TBC1D15: variants seen among roughly 807,000 people sequenced by gnomAD.
TBC1D15 encodes TBC1 domain family member 15, also known as GAP for RAB7.
In TBC1D15, 39 loss-of-function variants were observed where a neutral mutation model predicts 95.4. The observed-to-expected ratio is 0.41, with a 90% CI of 0.32 to 0.53. The LOEUF is 0.53. Among genes scored for constraint, TBC1D15 ranks in the 20% least tolerant of loss-of-function variants. The probability of loss-of-function intolerance (pLI) is 0.29; values close to 1 mark genes in which losing one functional copy is unlikely to be tolerated. For synonymous variants in TBC1D15, 258 were observed against 261.3 expected (o/e 0.99, Z 0.12); for missense variants, 733 against 794.3 (o/e 0.92, Z 0.93).
intron 3 of TBC1D15, among the ~76,000 whole-genome samples, chr12:71,877,229 C>T (rs1222184985): frequency 3.4e-5 from 5 of 145,606 alleles, no homozygotes; most frequent in Admixed American, 6.8e-5. Context: ...TTTTTTAAAC[C>T]TCTCTAGAAG....
chr12:71,854,186 C>G (rs1888488159), intron 1 of TBC1D15, among the ~76,000 whole-genome samples: 1 of 152,166 alleles, frequency 6.6e-6, no homozygotes, highest in Non-Finnish European at 1.5e-5. Context: ...TCCTTTCTCT[C>G]AATAGTCACT....
chr12:71,849,596 A>T, intron 1 of TBC1D15: 1 of 629,670 alleles, frequency 1.6e-6, no homozygotes, highest in Non-Finnish European at 3.0e-6. Context: ...TTTGTGAATC[A>T]TCAGTCAGTA....
intron 5 of TBC1D15, among the ~76,000 whole-genome samples, chr12:71,887,702 C>A (rs1241605796): frequency 6.6e-6 from 1 of 152,186 alleles, no homozygotes; most frequent in Non-Finnish European, 1.5e-5. Context: ...CCTATCTCTG[C>A]TCCTCACTAT....
chr12:71,892,079 A>C (rs1897280409), intron 5 of TBC1D15, among the ~76,000 whole-genome samples: 1 of 152,090 alleles, frequency 6.6e-6, no homozygotes, highest in Non-Finnish European at 1.5e-5. Flanking sequence ...GCCTTGTGAG[A>C]GAATCTGTAA....
intron 1 of TBC1D15, chr12:71,849,168 A>C (rs3741684): frequency 0.057 from 14,974 of 261,482 alleles, 601 homozygotes; most frequent in South Asian, 0.13. Context: ...GATTATAAAA[A>C]AAAAAAAAAA....
intron 6 of TBC1D15, among the ~76,000 whole-genome samples, chr12:71,893,852 C>T (rs568229563): frequency 8.3e-4 from 126 of 151,672 alleles, no homozygotes; most frequent in African/African-American, 2.8e-3. Context: ...ATGGTTTATT[C>T]ATTTATTTAT....
chr12:71,851,863 C>T (rs913315067), intron 1 of TBC1D15, among the ~76,000 whole-genome samples: 3 of 152,148 alleles, frequency 2.0e-5, no homozygotes, highest in African/African-American at 4.8e-5. Context: ...GTGGCTTTTC[C>T]AGGCTGAGAG....
chr12:71,890,464 A>G (rs1249780454), intron 5 of TBC1D15, among the ~76,000 whole-genome samples: 2 of 152,154 alleles, frequency 1.3e-5, no homozygotes, highest in East Asian at 1.9e-4. Context: ...ATTAAGTTAA[A>G]TTGAGGAATG....
chr12:71,872,975 A>G lies in TBC1D15; in HGVS notation c.176A>G (p.Asp59Gly). ...TGGAGACCATTGGATGATGCATTAGATTCCTCTAGTATTCTCTATGCTAGA... is the reference window on the plus strand; with the variant it reads ...TGGAGACCATTGGATGATGCATTAGGTTCCTCTAGTATTCTCTATGCTAGA... ...VDWRPLDDAL[D>G]SSSILYARKD... The change falls in exon 3 of 17, where the codon GAT becomes GGT. Residue 59 changes from aspartate (D) to glycine (G), a missense_variant. Asp to Gly is a moderately conservative substitution (Grantham distance 94). Coordinates refer to ENST00000485960, the MANE Select transcript of TBC1D15 (RefSeq NM_001146213.3). The G allele has an allele frequency of 6.2e-7, 1 of 1,609,800 alleles. No homozygotes were observed. Among genetic ancestry groups the G allele is most frequent in the South Asian group, 1.1e-5 (1 of 90,218 alleles).
intron 1 of TBC1D15, among the ~76,000 whole-genome samples, chr12:71,859,976 G>T (rs1890027940): frequency 6.6e-6 from 1 of 152,088 alleles, no homozygotes; most frequent in East Asian, 1.9e-4. Context: ...CATTTTTTCT[G>T]CATATACATA....
intron 11 of TBC1D15, chr12:71,907,925 C>A (rs1901163446): frequency 6.6e-6 from 1 of 152,256 alleles, no homozygotes; most frequent in Non-Finnish European, 1.5e-5. Flanking sequence ...AATCCCAGCA[C>A]TTCAGGAAGT....
At chr12:71,921,733 C>A (rs1231078348) in intron 16 of TBC1D15, among the ~76,000 whole-genome samples, 1 of 152,090 alleles carries the variant, frequency 6.6e-6, no homozygotes, top group Admixed American at 6.5e-5. Flanking sequence ...TGATATATTA[C>A]CCAGTTGAGC....
At chr12:71,873,141 T>C (rs922351786) in intron 3 of TBC1D15, 138 bp downstream of exon 3, 3 of 575,144 alleles carry the variant, frequency 5.2e-6, no homozygotes, top group Non-Finnish European at 8.8e-6. Flanking sequence ...TACAGAGTTG[T>C]GCAGCCATCC....
chr12:71,842,602 G>C (rs1451807653), intron 1 of TBC1D15, among the ~76,000 whole-genome samples: 1 of 152,004 alleles, frequency 6.6e-6, no homozygotes, highest in Non-Finnish European at 1.5e-5. Context: ...AGGCTGAGGT[G>C]GGAGGATCAC....
intron 12 of TBC1D15, among the ~76,000 whole-genome samples, chr12:71,917,131 T>G (rs1248839615): frequency 6.6e-6 from 1 of 152,186 alleles, no homozygotes; most frequent in Non-Finnish European, 1.5e-5. Flanking sequence ...AATTTTCATA[T>G]TTGCTTCTGT....
At chr12:71,910,577 C>T (rs955869601) in intron 11 of TBC1D15, among the ~76,000 whole-genome samples, 7 of 151,766 alleles carry the variant, frequency 4.6e-5, no homozygotes, top group Admixed American at 3.9e-4. Flanking sequence ...AGGTCCTTCA[C>T]ATCCCTTGTA....
Position 71,917,757 on chromosome 12 carries a change from C to T in TBC1D15, c.1461C>T (p.Thr487=), listed in dbSNP as rs1484339174. Residue 487 remains threonine, a synonymous_variant, in exon 13 of 17, where the codon ACC becomes ACT. Transcript: ENST00000485960. ...AGACCCAGCTAATTCAGCTGAGTAC[C>T]TTACTTCGATTGTTAGACAGTGGAT... ...GMKTQLIQLS[T]LLRLLDSGFC... 3.1e-6 allele frequency: 5 copies of T among 1,612,864 alleles called. No individual in the cohort carries two copies. Among genetic ancestry groups the T allele is most frequent in the Non-Finnish European group, 4.2e-6 (5 of 1,179,248 alleles).
At chr12:71,897,767 T>C in intron 9 of TBC1D15, 80 bp from the exon 10 acceptor site, 1 of 1,036,580 alleles carries the variant, frequency 9.6e-7, no homozygotes, top group South Asian at 1.4e-5. Flanking sequence ...TGATATACTG[T>C]TTATAGAAAA....
chr12:71,852,170 TGTG>T (rs1391740015), intron 1 of TBC1D15, among the ~76,000 whole-genome samples: 1 of 152,190 alleles, frequency 6.6e-6, no homozygotes, highest in African/African-American at 2.4e-5. Context: ...GCTTGCACCT[TGTG>T]GGCCTCAAAA....
Sources: gnomAD v4.1 joint callset for allele counts (sites outside exome capture counted in the v4.1 genomes callset) on GRCh38, gnomAD v4.1.1 for gene constraint, MANE v1.5 for transcripts, NCBI Gene and HGNC (gene_info 2026-07-23, HGNC 2026-07-21) for gene names.